The following PAN2 variants were observed in gnomAD, a reference collection of about 807,000 sequenced individuals.
PAN2 encodes the protein poly(A) specific ribonuclease subunit PAN2, also known as PAN2-PAN3 deadenylation complex catalytic subunit PAN2.
In PAN2, 68 loss-of-function variants were observed where a neutral mutation model predicts 133.3. That is an observed-to-expected ratio of 0.51 (90% confidence interval 0.42 to 0.62). PAN2 has a LOEUF of 0.62. PAN2 is among the 20% of genes least tolerant of loss of function. The probability of loss-of-function intolerance (pLI) is 0.00; values close to 1 mark genes in which losing one functional copy is unlikely to be tolerated. For synonymous variants in PAN2, 462 were observed against 544.6 expected (o/e 0.85, Z 2.11); for missense variants, 1,042 against 1,500.5 (o/e 0.69, Z 5.05).
In PAN2 at chr12:56,324,061, A is replaced by C; in HGVS notation, c.2053T>G (p.Ser685Ala). The C allele has an allele frequency of 1.2e-6, 2 of 1,614,166 alleles. No individual in the cohort carries two copies. Among genetic ancestry groups the C allele is most frequent in the Non-Finnish European group, 8.5e-7 (1 of 1,180,020 alleles). ...RASSTLLFTLSYPDDKTGKNY... is the reference protein window; with the variant it reads ...RASSTLLFTLAYPDDKTGKNY... ...CCACTTTTGCTACCATCAGGGTAGG[A>C]GAGTGTGAAAAGCAGAGTGGATGAG... The change falls in exon 13 of 26, where the codon TCC (serine) becomes GCC (alanine). Residue 685 changes from serine (S) to alanine (A), a missense_variant. By Grantham distance (99) the Ser-to-Ala change is moderately conservative. Around this residue, in one of 3 missense-constraint regions of PAN2, gnomAD observed 908 missense variants for 1,223.5 expected, o/e 0.74. Coordinates refer to ENST00000440411, the MANE Select transcript of PAN2 (RefSeq NM_014871.6).
chr12:56,318,544 G>C (rs1249723925), intron 24 of PAN2, 110 bp from the exon 25 acceptor site: 2 of 749,970 alleles, frequency 2.7e-6, no homozygotes, highest in African/African-American at 1.8e-5. Flanking sequence ...TGCCCTTAAG[G>C]AAAATTGTCA....
chr12:56,333,228 G>T lies in PAN2; in HGVS notation c.-114-20C>A. On this transcript the variant is annotated intron_variant, in intron 1 of 25. Coordinates refer to ENST00000440411, the MANE Select transcript of PAN2 (RefSeq NM_014871.6). ...CCTGGCCTGTAAGGGGAAAGAGGTA[G>T]CTGAGTCAAGGGTAGGCCCAGGTAC... 1 of 913,542 alleles carries T rather than the reference G, an allele frequency of 1.1e-6. No individual in the cohort carries two copies. The highest frequency in any genetic ancestry group is 1.7e-6 in the Non-Finnish European group (1 of 602,144). The allele number at this position is 913,542 out of a possible 1,614,324, so 56.6% of individuals were successfully genotyped here.
chr12:56,322,905 T>C, intron 17 of PAN2, 147 bp from the exon 18 acceptor site: 3 of 1,254,634 alleles, frequency 2.4e-6, no homozygotes, highest in Non-Finnish European at 3.4e-6. Flanking sequence ...ACCCCAACAC[T>C]GAACTGAGTG....
In PAN2 at chr12:56,324,186, C is replaced by G; in HGVS notation, c.1929-1G>C. The G allele has an allele frequency of 6.2e-7, 1 of 1,613,822 alleles. No individual in the cohort carries two copies. The highest frequency in any genetic ancestry group is 8.5e-7 in the Non-Finnish European group (1 of 1,180,024). On this transcript the variant is annotated splice_acceptor_variant, in intron 12 of 25. Transcript: ENST00000440411. LOFTEE classifies it high-confidence loss of function. ...AGAGTCCCCCGATGAGCAAAAGCTG[C>G]TAAGAGTGGAGAGGATGATATATGC...
At chr12:56,332,629 C>G in intron 2 of PAN2, 184 bp downstream of exon 2, 1 of 600,948 alleles carries the variant, frequency 1.7e-6, no homozygotes, top group Non-Finnish European at 2.9e-6. Flanking sequence ...AGGGATGCCT[C>G]CTGAGAAAGA....
chr12:56,324,959 A>C (rs749951676), intron 10 of PAN2, 50 bp downstream of exon 10: 1 of 1,603,690 alleles, frequency 6.2e-7, no homozygotes, highest in Non-Finnish European at 8.5e-7. Flanking sequence ...GCCATAGGGA[A>C]GAAGAAAAGC....
chr12:56,324,382 G>C lies in PAN2; in HGVS notation c.1840C>G (p.Gln614Glu). The change falls in exon 12 of 26, where the codon CAG (glutamine) becomes GAG (glutamate). Residue 614 changes from glutamine to glutamate, a missense_variant. Gln to Glu is a conservative substitution (Grantham distance 29). Transcript: ENST00000440411. ...GTGAGAATGAAGCGATTCCACCTCT[G>C]AATGAGCCTGGCCAGATTGCCCTTG... ...SGKGNLARLIQRWNRFILTQL... is the reference protein window; with the variant it reads ...SGKGNLARLIERWNRFILTQL... 6.2e-7 allele frequency: 1 copy of C among 1,614,180 alleles called. No individual in the cohort carries two copies. Among genetic ancestry groups the C allele is most frequent in the Non-Finnish European group, 8.5e-7 (1 of 1,180,038 alleles).
chr12:56,322,841 G>C, intron 17 of PAN2, 83 bp from the exon 18 acceptor site: 1 of 1,442,174 alleles, frequency 6.9e-7, no homozygotes, highest in Non-Finnish European at 9.5e-7. Flanking sequence ...AGGGAGTTGG[G>C]GGTATGGGGG....
At chr12:56,320,706 C>G (rs1233334550) in intron 20 of PAN2, among the ~76,000 whole-genome samples, 2 of 151,166 alleles carry the variant, frequency 1.3e-5, no homozygotes, top group Admixed American at 6.6e-5. Flanking sequence ...ACATCCCCCC[C>G]TCATCTCATT....
chr12:56,326,951 G>A lies in PAN2; in HGVS notation c.928C>T (p.Gln310Ter). Reference protein sequence around the residue: ...LAIISQSGQCQFCEPTGLANP... With the variant: ...LAIISQSGQC ...GCCAGGCCTGTGGGTTCACAGAATTGGCACTGCCCTACAAAGGAGGAAGAA... is the reference window on the plus strand; with the variant it reads ...GCCAGGCCTGTGGGTTCACAGAATTAGCACTGCCCTACAAAGGAGGAAGAA... The change falls in exon 7 of 26, where the codon CAA (glutamine) becomes TAA (stop). Residue 310 changes from glutamine (Q) to a stop codon, truncating the protein, a stop_gained. Coordinates refer to ENST00000440411, the MANE Select transcript of PAN2 (RefSeq NM_014871.6). LOFTEE classifies it high-confidence loss of function. 1 of 1,612,888 alleles carries A rather than the reference G, an allele frequency of 6.2e-7. No homozygotes were observed. Among genetic ancestry groups the A allele is most frequent in the Non-Finnish European group, 8.5e-7 (1 of 1,179,214 alleles).
chr12:56,323,576 T>C lies in PAN2; in HGVS notation c.2195A>G (p.His732Arg), dbSNP rs1874795138. Residue 732 changes from histidine (H) to arginine (R), a missense_variant, in exon 15 of 26, where the codon CAT becomes CGT. His to Arg is a conservative substitution (Grantham distance 29). This residue lies in a region of PAN2 where 908 missense variants were observed against 1,223.5 expected (regional missense o/e 0.74). Transcript: ENST00000440411. ...ATTGATGACAAGAATATCTGGCAGATGGCGGATGTTGCGGGTCTGAATCTG... is the reference window on the plus strand; with the variant it reads ...ATTGATGACAAGAATATCTGGCAGACGGCGGATGTTGCGGGTCTGAATCTG... ...QPTIQTRNIR[H>R]LPDILVINCE... 6.2e-7 allele frequency: 1 copy of C among 1,614,050 alleles called. No homozygotes were observed. Among genetic ancestry groups the C allele is most frequent in the African/African-American group, 1.3e-5 (1 of 74,940 alleles).
chr12:56,325,525 A>G, intron 8 of PAN2, 71 bp from the exon 9 acceptor site: 2 of 1,550,442 alleles, frequency 1.3e-6, no homozygotes, highest in East Asian at 2.3e-5. Flanking sequence ...ATTTATCCCA[A>G]CATTGAAACA....
Position 56,317,615 on chromosome 12 carries a change from C to T in PAN2, c.3591G>A (p.Ala1197=), listed in dbSNP as rs369060076. The T allele has an allele frequency of 2.3e-5, 37 of 1,613,384 alleles. No homozygotes were observed. The highest frequency in any genetic ancestry group is 1.6e-4 in the African/African-American group (12 of 74,846). The part of the protein sequence containing the change: ...KNAAVFSSVL[A]L ...GGTTCTTTGGGAAGGGTAGTCAGAGCGCCAGCACTGAGGAGAAGACAGCTG... is the reference window on the plus strand; with the variant it reads ...GGTTCTTTGGGAAGGGTAGTCAGAGTGCCAGCACTGAGGAGAAGACAGCTG... The change falls in exon 26 of 26, where the codon GCG becomes GCA. Residue 1197 remains alanine (A), a synonymous_variant. Transcript: ENST00000440411.
Position 56,318,248 on chromosome 12 carries a change from GT to G in PAN2, c.3550del (p.Thr1184GlnfsTer65). 2.5e-6 allele frequency: 4 copies of G among 1,613,848 alleles called. No individual in the cohort carries two copies. Among genetic ancestry groups the G allele is most frequent in the Non-Finnish European group, 3.4e-6 (4 of 1,179,750 alleles). On this transcript the variant is annotated frameshift_variant, in exon 25 of 26. Coordinates refer to ENST00000440411, the MANE Select transcript of PAN2 (RefSeq NM_014871.6). LOFTEE classifies it high-confidence loss of function. Reference sequence around the variant, plus strand: ...ATCCCAGGTCTTACTCTTGGGACTTGTTTGGCCCTCAGGCTCAGGCACCTTC... The same window carrying G: ...ATCCCAGGTCTTACTCTTGGGACTTGTTGGCCCTCAGGCTCAGGCACCTTC... Reference protein sequence around the residue: ...DWKVPEPEGQTSPKNAAVFSS... With the variant: ...DWKVPEPEGQXSPKNAAVFSS...
chr12:56,321,209 T>C (rs1162054605), intron 20 of PAN2, among the ~76,000 whole-genome samples: 3 of 150,402 alleles, frequency 2.0e-5, no homozygotes, highest in Non-Finnish European at 4.4e-5. Flanking sequence ...CACAAGTATA[T>C]GCCACCACAC....
Position 56,317,600 on chromosome 12 carries a change from G to T in PAN2, c.*9C>A, listed in dbSNP as rs749915964. ...AAGGGAGAGGGCCGTGGTTCTTTGGGAAGGGTAGTCAGAGCGCCAGCACTG... is the reference window on the plus strand; with the variant it reads ...AAGGGAGAGGGCCGTGGTTCTTTGGTAAGGGTAGTCAGAGCGCCAGCACTG... On this transcript the variant is annotated 3_prime_UTR_variant, in exon 26 of 26. Transcript: ENST00000440411. 2 of 1,612,832 alleles carry T rather than the reference G, an allele frequency of 1.2e-6. No homozygotes were observed. The highest frequency in any genetic ancestry group is 3.3e-5 in the Admixed American group (2 of 60,014).
chr12:56,331,270 T>C (rs1222454636), intron 2 of PAN2, among the ~76,000 whole-genome samples: 1 of 152,234 alleles, frequency 6.6e-6, no homozygotes, highest in Admixed American at 6.5e-5. Flanking sequence ...TAAATCCTAA[T>C]TGCTTGTAGT....
In PAN2 at chr12:56,326,649, A is replaced by G. The variant is rs201579222; in HGVS notation, c.1230T>C (p.Asp410=). ...CTGGAGCAGAGTTGGCAGCAGGCCA[A>G]TCAGAGAGAAGTGTGTCAGTGGTGA... ...VPLTTDTLLS[D]WPAANSAPAP... is the part of the protein sequence containing the mutation. The change falls in exon 7 of 26, where the codon GAT becomes GAC. Residue 410 remains aspartate, a synonymous_variant. Coordinates refer to ENST00000440411, the MANE Select transcript of PAN2 (RefSeq NM_014871.6). 1.2e-6 allele frequency: 2 copies of G among 1,613,882 alleles called. No homozygotes were observed. Among genetic ancestry groups the G allele is most frequent in the Middle Eastern group, 1.7e-4 (1 of 6,052 alleles).
At position 56,324,194 on chromosome 12, in the gene PAN2, G is replaced by A. The variant is rs768283794; in HGVS notation, c.1929-9C>T. On this transcript the variant is annotated splice_polypyrimidine_tract_variant and intron_variant, in intron 12 of 25. Transcript: ENST00000440411. ...CCGATGAGCAAAAGCTGCTAAGAGT[G>A]GAGAGGATGATATATGCACATTGAG... 2.5e-6 allele frequency: 4 copies of A among 1,613,486 alleles called. No homozygotes were observed. In the Admixed American group the frequency reaches 6.7e-5, roughly 27 times the overall value.
Sources: allele counts gnomAD v4.1 joint callset (sites outside exome capture counted in the v4.1 genomes callset), GRCh38; gene constraint gnomAD v4.1.1; regional missense constraint gnomAD v4.1.1; transcripts MANE v1.5; gene names NCBI Gene and HGNC (gene_info 2026-07-23, HGNC 2026-07-21).